Variants in RDX observed in about 807,000 individuals in gnomAD.
RDX encodes the protein radixin, also known as deafness, autosomal recessive 24.
Under a neutral mutation model 83.7 loss-of-function variants are expected in RDX, and 32 were observed. That is an observed-to-expected ratio of 0.38 (90% confidence interval 0.29 to 0.51). The LOEUF (loss-of-function observed/expected upper bound fraction) is 0.51. Among genes scored for constraint, RDX ranks in the 20% least tolerant of loss-of-function variants. The pLI, the probability that RDX is intolerant of heterozygous loss-of-function variation, is 0.87. For missense variants in RDX, 600 were observed against 689.9 expected, an observed-to-expected ratio of 0.87 and a Z score of 1.46; for synonymous variants, 229 against 222.7, an observed-to-expected ratio of 1.03 and a Z score of -0.25.
chr11:110,225,164 C>T (rs925754627), downstream of RDX, among the ~76,000 whole-genome samples: 6 of 152,218 alleles, frequency 3.9e-5, no homozygotes, highest in East Asian at 1.9e-4. Flanking sequence ...TTTTGTAACA[C>T]CTTCTTCATT....
chr11:110,207,545 C>T (rs1863650627), intron 14 of RDX, among the ~76,000 whole-genome samples: 1 of 152,166 alleles, frequency 6.6e-6, no homozygotes. Flanking sequence ...AAACCTTTAA[C>T]TCAGGAGGCT....
intron 5 of RDX, among the ~76,000 whole-genome samples, chr11:110,262,990 T>G (rs1859863232): frequency 6.6e-6 from 1 of 152,096 alleles, no homozygotes; most frequent in African/African-American, 2.4e-5. Context: ...AGTCAGAAAA[T>G]TCAGCCAGGA....
intron 1 of RDX, chr11:110,286,882 T>G (rs1227511260): frequency 1.3e-5 from 2 of 152,228 alleles, no homozygotes; most frequent in African/African-American, 4.8e-5. Context: ...GTGAAGCCTA[T>G]GAACTCTTTC....
At chr11:110,259,723 CT>C (rs1859725457) in intron 5 of RDX, among the ~76,000 whole-genome samples, 1 of 152,158 alleles carries the variant, frequency 6.6e-6, no homozygotes, top group African/African-American at 2.4e-5. Context: ...TGCAATCAGC[CT>C]TGGAGACATA....
chr11:110,221,330 G>C (rs1190660337), intron 14 of RDX, among the ~76,000 whole-genome samples: 1 of 152,130 alleles, frequency 6.6e-6, no homozygotes, highest in African/African-American at 2.4e-5. Context: ...GGGTGTGGTA[G>C]CTCATGCCTG....
intron 14 of RDX, among the ~76,000 whole-genome samples, chr11:110,221,601 A>C (rs868416747): frequency 2.2e-5 from 3 of 133,510 alleles, no homozygotes; most frequent in Non-Finnish European, 4.8e-5. Context: ...CTGTCTCCAA[A>C]ACACACACAC....
chr11:110,191,923 G>T (rs548816107), intron 15 of RDX, among the ~76,000 whole-genome samples: 2 of 152,256 alleles, frequency 1.3e-5, no homozygotes, highest in East Asian at 3.9e-4. Flanking sequence ...CATGCTTATG[G>T]ATAGGAAGAA....
At chr11:110,218,787 G>C (rs1864146804) in intron 14 of RDX, among the ~76,000 whole-genome samples, 1 of 152,172 alleles carries the variant, frequency 6.6e-6, no homozygotes, top group African/African-American at 2.4e-5. Context: ...CATCCTGAAA[G>C]ACTTGGCTTA....
At chr11:110,182,696 C>T (rs1032339848) in intron 15 of RDX, among the ~76,000 whole-genome samples, 3 of 152,152 alleles carry the variant, frequency 2.0e-5, no homozygotes, top group African/African-American at 7.2e-5. Context: ...AATGGTTTCT[C>T]AGAACTTGTA....
intron 2 of RDX, chr11:110,272,950 G>T (rs148859817): frequency 0.012 from 5,436 of 461,010 alleles, 53 homozygotes; most frequent in Non-Finnish European, 0.016. Flanking sequence ...GCAAGAGCTG[G>T]ACATGGTGCC....
chr11:110,186,754 T>C (rs1231041705), intron 15 of RDX, among the ~76,000 whole-genome samples: 1 of 152,178 alleles, frequency 6.6e-6, no homozygotes, highest in Non-Finnish European at 1.5e-5. Context: ...AGCGGACTTA[T>C]GAAGCAGCTT....
At chr11:110,186,770 C>G (rs79623488) in intron 15 of RDX, among the ~76,000 whole-genome samples, 1 of 152,108 alleles carries the variant, frequency 6.6e-6, no homozygotes, top group Non-Finnish European at 1.5e-5. Context: ...AGCTTGGACA[C>G]GGAAAAGTGG....
intron 10 of RDX, among the ~76,000 whole-genome samples, chr11:110,240,241 A>G (rs1865029015): frequency 6.6e-6 from 1 of 152,218 alleles, no homozygotes; most frequent in African/African-American, 2.4e-5. Flanking sequence ...TTGCAGCAAT[A>G]TGGATGGAAC....
rs534556498 is a variant in RDX at position 110,212,032 on chromosome 11, T to C, written c.1749-12354A>G. 4.7e-3 allele frequency among the ~76,000 whole-genome samples: 657 copies of C among 138,972 alleles called. 6 individuals are homozygous for C. The highest frequency in any genetic ancestry group is 0.016 in the African/African-American group (588 of 37,364). 91.2% of individuals were successfully genotyped at this position (138,972 alleles called of 152,430 possible). On this transcript the variant is annotated intron_variant, in intron 14 of 15. Coordinates refer to the RDX transcript ENST00000528498. The stretch of plus-strand genomic sequence containing the variant: ...AGACACAAAAAACCCTTCAAAAAAT[T>C]AATGAATCCAGGAGCTGGTTTTTTG...
At chr11:110,210,642 C>T (rs1258615155) in intron 14 of RDX, among the ~76,000 whole-genome samples, 6 of 150,290 alleles carry the variant, frequency 4.0e-5, no homozygotes, top group Non-Finnish European at 5.9e-5. Flanking sequence ...GCGGATCTCT[C>T]GGCAGAAACC....
At chr11:110,259,763 T>C (rs1162272756) in intron 5 of RDX, among the ~76,000 whole-genome samples, 2 of 152,182 alleles carry the variant, frequency 1.3e-5, no homozygotes, top group East Asian at 3.8e-4. Flanking sequence ...CTTACCATAA[T>C]TATATGCCCA....
intron 15 of RDX, among the ~76,000 whole-genome samples, chr11:110,184,335 C>T (rs902971089): frequency 6.6e-6 from 1 of 152,226 alleles, no homozygotes; most frequent in African/African-American, 2.4e-5. Flanking sequence ...AGGCGGTGAA[C>T]AGCCCTGTGG....
Position 110,233,247 on chromosome 11 carries a change from T to C in RDX, c.1577A>G (p.Lys526Arg), listed in dbSNP as rs1864709166. ...GCAAATTTTAAATACCTGAAGTTGC[T>C]TCTTAACACGCTCATTTTTCTGTGT... ...TETQKNERVKKQLQALSSELA... is the reference protein window; with the variant it reads ...TETQKNERVKRQLQALSSELA... The change falls in exon 13 of 14, where the codon AAG (lysine) becomes AGG (arginine). Residue 526 changes from lysine to arginine, a missense_variant. Transcript: ENST00000645495. 19 of 1,613,088 alleles carry C rather than the reference T, an allele frequency of 1.2e-5. No homozygotes were observed. Among genetic ancestry groups the C allele is most frequent in the Non-Finnish European group, 1.5e-5 (18 of 1,179,948 alleles).
In RDX at chr11:110,272,630, A is replaced by C; in HGVS notation, c.13-11T>G. The C allele has an allele frequency of 1.3e-6, 2 of 1,562,858 alleles. No individual in the cohort carries two copies. The highest frequency in any genetic ancestry group is 3.4e-5 in the Admixed American group (2 of 59,316). ...TACTCTTACGTTGATCTGTAATAAA[A>C]ATAAAAGGAATAATAAGTAGAAGAG... On this transcript the variant is annotated splice_polypyrimidine_tract_variant and intron_variant, in intron 2 of 13. Coordinates refer to ENST00000645495, the MANE Select transcript of RDX (RefSeq NM_002906.4).
Sources: gnomAD v4.1 joint callset for allele counts (sites outside exome capture counted in the v4.1 genomes callset) on GRCh38, gnomAD v4.1.1 for gene constraint, MANE v1.5 for transcripts, NCBI Gene and HGNC (gene_info 2026-07-23, HGNC 2026-07-21) for gene names.